Variants in KALRN observed in about 807,000 individuals in gnomAD.
KALRN encodes the protein kalirin RhoGEF kinase.
KALRN carries 70 observed loss-of-function variants against 353.7 expected under a neutral mutation model. The observed-to-expected ratio is 0.20, with a 90% CI of 0.16 to 0.24. The LOEUF (loss-of-function observed/expected upper bound fraction) is 0.24. Among genes scored for constraint, KALRN ranks in the 10% least tolerant of loss-of-function variants. The probability of loss-of-function intolerance (pLI) is 1.00; values close to 1 mark genes in which losing one functional copy is unlikely to be tolerated. For synonymous variants in KALRN, 1,391 were observed against 1,434.8 expected (o/e 0.97, Z 0.69); for missense variants, 2,791 against 3,756.7 (o/e 0.74, Z 6.72).
chr3:124,514,070 A>G (rs1399293033), intron 33 of KALRN, among the ~76,000 whole-genome samples: 1 of 152,204 alleles, frequency 6.6e-6, no homozygotes, highest in Non-Finnish European at 1.5e-5. Context: ...GTTTCATGGT[A>G]TTAATTTATG....
At chr3:124,476,934 T>C (rs1439013261) in intron 26 of KALRN, among the ~76,000 whole-genome samples, 1 of 152,244 alleles carries the variant, frequency 6.6e-6, no homozygotes, top group African/African-American at 2.4e-5. Flanking sequence ...GTAAAATCTG[T>C]AAATAAGTTC....
chr3:124,265,306 T>C (rs1479250433), intron 4 of KALRN, among the ~76,000 whole-genome samples: 1 of 128,042 alleles, frequency 7.8e-6, no homozygotes, highest in Non-Finnish European at 1.7e-5. Context: ...TTCTTTTTTT[T>C]TTTTTTGAGA....
chr3:124,519,984 C>A, intron 33 of KALRN: 1 of 564,748 alleles, frequency 1.8e-6, no homozygotes, highest in Non-Finnish European at 2.2e-6. Context: ...GAGCGTGTGT[C>A]CGGCATGATG....
At chr3:124,586,056 C>A (rs1173723508) in intron 34 of KALRN, among the ~76,000 whole-genome samples, 1 of 152,198 alleles carries the variant, frequency 6.6e-6, no homozygotes, top group Admixed American at 6.5e-5. Context: ...TCATTAAGGT[C>A]ATAATCTTAG....
intron 1 of KALRN, among the ~76,000 whole-genome samples, chr3:124,194,494 A>G (rs1039168006): frequency 3.9e-5 from 6 of 152,120 alleles, no homozygotes; most frequent in Non-Finnish European, 5.9e-5. Context: ...CATGGAATGA[A>G]ATTCTGTAGT....
At chr3:124,073,284 A>G (rs1238362644) in intron 1 of KALRN, among the ~76,000 whole-genome samples, 1 of 152,232 alleles carries the variant, frequency 6.6e-6, no homozygotes, top group Admixed American at 6.5e-5. Context: ...ATCAAGAACA[A>G]TGCCATCTGT....
intron 6 of KALRN, among the ~76,000 whole-genome samples, chr3:124,314,482 T>C (rs1278444676): frequency 6.6e-6 from 1 of 151,920 alleles, no homozygotes; most frequent in Non-Finnish European, 1.5e-5. Flanking sequence ...ACATATACCC[T>C]GGAACTTAAA....
intron 6 of KALRN, among the ~76,000 whole-genome samples, chr3:124,310,617 T>C (rs999902388): frequency 6.6e-6 from 1 of 152,222 alleles, no homozygotes; most frequent in African/African-American, 2.4e-5. Context: ...CATGTGTCTG[T>C]GGTCAACATA....
chr3:124,107,969 A>G (rs149801278), intron 1 of KALRN, among the ~76,000 whole-genome samples: 86 of 152,336 alleles, frequency 5.6e-4, no homozygotes, highest in African/African-American at 2.0e-3. Flanking sequence ...CAAGCTTGGC[A>G]TGACCAATCT....
intron 15 of KALRN, among the ~76,000 whole-genome samples, chr3:124,425,482 G>A (rs968573744): frequency 2.0e-5 from 3 of 152,188 alleles, no homozygotes; most frequent in African/African-American, 7.2e-5. Context: ...GAGGATAGGA[G>A]CAGGCATGGC....
chr3:124,615,910 A>G (rs1266785212), intron 34 of KALRN, among the ~76,000 whole-genome samples: 2 of 152,176 alleles, frequency 1.3e-5, no homozygotes, highest in Non-Finnish European at 2.9e-5. Flanking sequence ...TTCCTAAGCC[A>G]GGTAGTGAAG....
At position 124,492,787 on chromosome 3, in the gene KALRN, A is replaced by C. The variant is rs2063312108; in HGVS notation, c.4737A>C (p.Glu1579Asp). 8.1e-6 allele frequency: 13 copies of C among 1,614,148 alleles called. No homozygotes were observed. Among genetic ancestry groups the C allele is most frequent in the Non-Finnish European group, 1.1e-5 (13 of 1,180,022 alleles). The stretch of plus-strand genomic sequence containing the variant: ...AGGAGTGGATCAAGAACATTCGAGA[A>C]GTGATTCAAGAAAGGATCATTCACC... ...TKQEWIKNIR[E>D]VIQERIIHLK... Residue 1579 changes from glutamate (E) to aspartate (D), a missense_variant, in exon 32 of 60, where the codon GAA becomes GAC. Physicochemically the swap from Glu to Asp is conservative, Grantham distance 45. This residue lies in a region of KALRN where 239 missense variants were observed against 351.3 expected (regional missense o/e 0.68). Transcript: ENST00000682506.
chr3:124,668,225 C>A (rs1241102322), intron 47 of KALRN, among the ~76,000 whole-genome samples: 1 of 152,170 alleles, frequency 6.6e-6, no homozygotes, highest in Non-Finnish European at 1.5e-5. Flanking sequence ...GGTGTGTCAC[C>A]TTTTCATGCC....
chr3:124,497,784 G>T (rs2064028460), intron 33 of KALRN, among the ~76,000 whole-genome samples: 1 of 152,162 alleles, frequency 6.6e-6, no homozygotes. Context: ...GGTAAGTCAA[G>T]TGCAGTGTTT....
chr3:124,420,386 A>C (rs761942579), intron 14 of KALRN, among the ~76,000 whole-genome samples: 2 of 152,242 alleles, frequency 1.3e-5, no homozygotes, highest in African/African-American at 2.4e-5. Context: ...ACAAATCCGC[A>C]TCAAGACTGG....
chr3:124,500,390 G>C (rs2064374059), intron 33 of KALRN, among the ~76,000 whole-genome samples: 1 of 152,192 alleles, frequency 6.6e-6, no homozygotes, highest in Non-Finnish European at 1.5e-5. Flanking sequence ...ATTGGGAGCA[G>C]AAGACCAATG....
chr3:124,220,769 C>G (rs1479490987), intron 1 of KALRN, among the ~76,000 whole-genome samples: 2 of 152,222 alleles, frequency 1.3e-5, no homozygotes, highest in Non-Finnish European at 2.9e-5. Flanking sequence ...AAACATGCTT[C>G]CTGCCTCTCC....
chr3:124,706,729 C>T (rs1579049993), intron 57 of KALRN, among the ~76,000 whole-genome samples: 1 of 152,068 alleles, frequency 6.6e-6, no homozygotes, highest in East Asian at 1.9e-4. Flanking sequence ...GCCACCATGC[C>T]CGGCTAATTT....
At chr3:124,649,783 G>A (rs2150086555) in intron 37 of KALRN, among the ~76,000 whole-genome samples, 1 of 128,758 alleles carries the variant, frequency 7.8e-6, no homozygotes, top group South Asian at 2.6e-4. Flanking sequence ...GTGAGACCCT[G>A]TCTCAAAATA....
Sources: gnomAD v4.1 joint callset for allele counts (sites outside exome capture counted in the v4.1 genomes callset) on GRCh38, gnomAD v4.1.1 for gene constraint, gnomAD v4.1.1 regional missense constraint, MANE v1.5 for transcripts, NCBI Gene and HGNC (gene_info 2026-07-23, HGNC 2026-07-21) for gene names.